ALK: variants seen among roughly 807,000 people sequenced by gnomAD.
The protein encoded by ALK is ALK tyrosine kinase receptor.
ALK carries 74 observed loss-of-function variants against 163.1 expected under a neutral mutation model. That is an observed-to-expected ratio of 0.45 (90% CI 0.38 to 0.55). The LOEUF is 0.55. Among genes scored for constraint, ALK ranks in the 20% least tolerant of loss-of-function variants. ALK has a pLI of 0.00. For synonymous variants in ALK, 960 were observed against 843.2 expected (o/e 1.14, Z -2.40); for missense variants, 2,063 against 2,105.3 (o/e 0.98, Z 0.39).
chr2:29,407,972 A>G (rs1397897661), intron 4 of ALK, among the ~76,000 whole-genome samples: 1 of 152,224 alleles, frequency 6.6e-6, no homozygotes, highest in African/African-American at 2.4e-5. Flanking sequence ...CAGAGACTGT[A>G]TAACTAGAGG....
chr2:29,717,865 C>T (rs574436430), intron 1 of ALK, among the ~76,000 whole-genome samples, 168 bp from the exon 2 acceptor site: 2 of 152,152 alleles, frequency 1.3e-5, no homozygotes, highest in East Asian at 3.9e-4. Context: ...ACCTCAGGAC[C>T]CTGATGTACA....
At chr2:29,259,769 A>T (rs772800655) in intron 11 of ALK, among the ~76,000 whole-genome samples, 16 of 152,162 alleles carry the variant, frequency 1.1e-4, no homozygotes, top group Non-Finnish European at 2.2e-4. Context: ...TGCTCTTTTA[A>T]CAAGTAGCTT....
intron 4 of ALK, among the ~76,000 whole-genome samples, chr2:29,458,617 G>A (rs1671014534): frequency 6.6e-6 from 1 of 152,072 alleles, no homozygotes; most frequent in African/African-American, 2.4e-5. Context: ...TGTTCCCTGT[G>A]GATCAAATTA....
chr2:29,765,940 T>C (rs898244266), intron 1 of ALK, among the ~76,000 whole-genome samples: 1 of 152,324 alleles, frequency 6.6e-6, no homozygotes, highest in Admixed American at 6.5e-5. Context: ...CTTGCGAGCT[T>C]ATGTGAGCTG....
intron 1 of ALK, among the ~76,000 whole-genome samples, chr2:29,754,384 G>A (rs962277459): frequency 1.3e-5 from 2 of 152,050 alleles, no homozygotes; most frequent in Non-Finnish European, 2.9e-5. Context: ...TACACTTCAC[G>A]AACTAGCATA....
At chr2:29,707,024 T>TGTGTGTGTGTGTGTGTGTGG (rs1678930935) in intron 2 of ALK, among the ~76,000 whole-genome samples, 1 of 145,982 alleles carries the variant, frequency 6.9e-6, no homozygotes, top group Non-Finnish European at 1.5e-5. Flanking sequence ...TGTGTGTGTG[T>TGTGTGTGTGTGTGTGTGTGG]GTGTGTTGGG....
At chr2:29,717,440 G>T (rs1573579896) in intron 2 of ALK, 138 bp downstream of exon 2, 2 of 1,019,602 alleles carry the variant, frequency 2.0e-6, no homozygotes, top group East Asian at 2.5e-5. Flanking sequence ...GGAGACAGAG[G>T]GCTCAGAAAG....
At chr2:29,846,036 A>T (rs911595985) in intron 1 of ALK, among the ~76,000 whole-genome samples, 3 of 152,308 alleles carry the variant, frequency 2.0e-5, no homozygotes, top group African/African-American at 7.2e-5. Flanking sequence ...TGGCCCATAC[A>T]TCTGGCCCAT....
chr2:29,695,314 C>G (rs994270819), intron 2 of ALK, among the ~76,000 whole-genome samples: 1 of 152,176 alleles, frequency 6.6e-6, no homozygotes, highest in African/African-American at 2.4e-5. Flanking sequence ...TACCTGAAGA[C>G]ATAGAGAGGG....
At chr2:29,760,356 T>C (rs1002334278) in intron 1 of ALK, among the ~76,000 whole-genome samples, 2 of 152,234 alleles carry the variant, frequency 1.3e-5, no homozygotes, top group African/African-American at 4.8e-5. Flanking sequence ...CCGCAGCTTC[T>C]TCATTTGTAA....
chr2:29,673,794 T>G (rs1228403654), intron 3 of ALK, among the ~76,000 whole-genome samples: 1 of 151,318 alleles, frequency 6.6e-6, no homozygotes, highest in Non-Finnish European at 1.5e-5. Flanking sequence ...ATGATATTGA[T>G]TCTTCCTACC....
chr2:29,812,167 T>G (rs1267353310), intron 1 of ALK, among the ~76,000 whole-genome samples: 1 of 152,038 alleles, frequency 6.6e-6, no homozygotes, highest in Non-Finnish European at 1.5e-5. Flanking sequence ...CCTTCACAGA[T>G]CTCAGGTGTT....
chr2:29,307,030 C>T (rs1209858975), intron 8 of ALK, among the ~76,000 whole-genome samples: 1 of 152,222 alleles, frequency 6.6e-6, no homozygotes, highest in Non-Finnish European at 1.5e-5. Flanking sequence ...GTATGTAAAG[C>T]CGGAACGGCA....
chr2:29,664,039 T>C (rs1677433594), intron 3 of ALK, among the ~76,000 whole-genome samples: 1 of 152,180 alleles, frequency 6.6e-6, no homozygotes, highest in Non-Finnish European at 1.5e-5. Flanking sequence ...CATTTACCTC[T>C]TTCTGATTAG....
rs554699301 is a variant in ALK at position 29,418,324 on chromosome 2, C to T, written c.1155-34465G>A. On this transcript the variant is annotated intron_variant, in intron 4 of 28. Coordinates refer to ENST00000389048, the MANE Select transcript of ALK (RefSeq NM_004304.5). Reference sequence around the variant, plus strand: ...ATCCTGGGACTAGAAAACCTAGCCCCGAGGTCCAAGTTTTTATGCTCTCTA... The same window carrying T: ...ATCCTGGGACTAGAAAACCTAGCCCTGAGGTCCAAGTTTTTATGCTCTCTA... 2.4e-3 allele frequency among the ~76,000 whole-genome samples: 367 copies of T among 152,260 alleles called. 1 individual carries two copies. Among genetic ancestry groups the T allele is most frequent in the Non-Finnish European group, 4.8e-3 (327 of 68,022 alleles).
intron 5 of ALK, among the ~76,000 whole-genome samples, chr2:29,350,547 T>C (rs992996341): frequency 2.3e-4 from 35 of 152,178 alleles, no homozygotes; most frequent in African/African-American, 8.0e-4. Context: ...TTCTGTTGGC[T>C]CTCAGGGGCC....
chr2:29,771,345 T>G (rs970915822), intron 1 of ALK, among the ~76,000 whole-genome samples: 3 of 152,128 alleles, frequency 2.0e-5, no homozygotes, highest in African/African-American at 7.2e-5. Context: ...TGTCATGAAA[T>G]TTTAGAGTAC....
chr2:29,804,602 T>C (rs1664562459), intron 1 of ALK, among the ~76,000 whole-genome samples: 1 of 152,248 alleles, frequency 6.6e-6, no homozygotes, highest in Non-Finnish European at 1.5e-5. Flanking sequence ...TGACTCCCAC[T>C]CTACCTCCAT....
intron 1 of ALK, among the ~76,000 whole-genome samples, chr2:29,896,885 T>C (rs1400078919): frequency 6.6e-6 from 1 of 152,172 alleles, no homozygotes; most frequent in African/African-American, 2.4e-5. Context: ...TACATGGAAA[T>C]ATTGGGAAGA....
Sources: allele counts gnomAD v4.1 joint callset (sites outside exome capture counted in the v4.1 genomes callset), GRCh38; gene constraint gnomAD v4.1.1; transcripts MANE v1.5; gene names NCBI Gene and HGNC (gene_info 2026-07-23, HGNC 2026-07-21).